Variants in PRKN observed in about 807,000 individuals in gnomAD.
PRKN encodes the protein parkin RBR E3 ubiquitin protein ligase.
PRKN carries 56 observed loss-of-function variants against 59.5 expected under a neutral mutation model. The ratio of observed to expected loss-of-function variants is 0.94; its 90% CI spans 0.76 to 1.18. The LOEUF is 1.18. Among genes scored for constraint, PRKN ranks in the 50% most tolerant of loss-of-function variants. The pLI, the probability that PRKN is intolerant of heterozygous loss-of-function variation, is 0.00. For synonymous variants in PRKN, 250 were observed against 222.1 expected (o/e 1.13, Z -1.12); for missense variants, 657 against 596.4 (o/e 1.10, Z -1.06).
At chr6:162,007,608 G>T (rs892701357) in intron 5 of PRKN, among the ~76,000 whole-genome samples, 2 of 152,078 alleles carry the variant, frequency 1.3e-5, no homozygotes, top group Non-Finnish European at 2.9e-5. Flanking sequence ...TTATAGCAGA[G>T]CTGAGTAAGA....
chr6:162,034,003 A>T (rs1469514151), intron 5 of PRKN, among the ~76,000 whole-genome samples: 6 of 152,134 alleles, frequency 3.9e-5, no homozygotes, highest in Non-Finnish European at 8.8e-5. Context: ...AATTAAATCA[A>T]TTCAGATAAT....
At chr6:161,748,208 T>C (rs1230308785) in intron 7 of PRKN, among the ~76,000 whole-genome samples, 1 of 152,172 alleles carries the variant, frequency 6.6e-6, no homozygotes, top group Admixed American at 6.5e-5. Flanking sequence ...GCATGCACAA[T>C]GAAAGAAATA....
At chr6:161,821,272 A>G (rs75340237) in intron 6 of PRKN, among the ~76,000 whole-genome samples, 3,401 of 152,284 alleles carry the variant, frequency 0.022, 121 homozygotes, top group South Asian at 0.07. Context: ...AAATCTTTTA[A>G]AAATATAGGC....
intron 7 of PRKN, among the ~76,000 whole-genome samples, chr6:161,632,494 G>GA (rs945933122): frequency 8.4e-4 from 128 of 152,120 alleles, no homozygotes; most frequent in African/African-American, 2.9e-3. Flanking sequence ...TATGAAATTA[G>GA]AAAAAAGTAG....
chr6:162,658,189 T>A (rs1431085706), intron 1 of PRKN, among the ~76,000 whole-genome samples: 1 of 152,202 alleles, frequency 6.6e-6, no homozygotes, highest in African/African-American at 2.4e-5. Context: ...CAATATATTC[T>A]ACTGGTCTTA....
At chr6:161,609,854 A>T (rs573256898) in intron 7 of PRKN, among the ~76,000 whole-genome samples, 2 of 152,304 alleles carry the variant, frequency 1.3e-5, no homozygotes, top group Admixed American at 1.3e-4. Context: ...CTGCTGTTTC[A>T]CTGAGGACCA....
intron 5 of PRKN, among the ~76,000 whole-genome samples, chr6:162,050,112 A>C (rs1777571821): frequency 6.6e-6 from 1 of 152,148 alleles, no homozygotes; most frequent in South Asian, 2.1e-4. Context: ...GGGATGCTGA[A>C]CATATTTTTC....
chr6:161,507,001 C>T (rs910450305), intron 9 of PRKN, among the ~76,000 whole-genome samples: 21 of 152,124 alleles, frequency 1.4e-4, no homozygotes, highest in Admixed American at 8.5e-4. Context: ...TGTCACAGGC[C>T]GCCTGTTCAG....
At chr6:161,436,454 C>A (rs887722279) in intron 9 of PRKN, among the ~76,000 whole-genome samples, 17 of 71,354 alleles carry the variant, frequency 2.4e-4, no homozygotes, top group Non-Finnish European at 3.8e-4. Context: ...AAACTCAAGA[C>A]TTTTTTGGGG....
chr6:161,506,446 T>C (rs1336012829), intron 9 of PRKN, among the ~76,000 whole-genome samples: 3 of 152,250 alleles, frequency 2.0e-5, no homozygotes, highest in Non-Finnish European at 2.9e-5. Flanking sequence ...TGGGGTTTTC[T>C]AGATATACAA....
intron 1 of PRKN, among the ~76,000 whole-genome samples, chr6:162,635,793 T>C (rs1477292898): frequency 6.6e-6 from 1 of 152,154 alleles, no homozygotes; most frequent in Non-Finnish European, 1.5e-5. Flanking sequence ...CACAGGCAGA[T>C]CTGTCACTTG....
intron 6 of PRKN, among the ~76,000 whole-genome samples, chr6:161,853,710 A>T (rs1416640811): frequency 2.0e-5 from 3 of 152,326 alleles, no homozygotes; most frequent in East Asian, 3.9e-4. Flanking sequence ...TCATTTCATT[A>T]TGCAGGAGAT....
At chr6:162,113,854 C>T (rs925311125) in intron 4 of PRKN, among the ~76,000 whole-genome samples, 1 of 152,016 alleles carries the variant, frequency 6.6e-6, no homozygotes, top group Non-Finnish European at 1.5e-5. Context: ...TTAGGTCTAA[C>T]GTTTAAGTCT....
chr6:162,016,435 T>G (rs1432031088), intron 5 of PRKN, among the ~76,000 whole-genome samples: 1 of 152,142 alleles, frequency 6.6e-6, no homozygotes. Context: ...TCTTTCTTCT[T>G]GTCTTGATAG....
chr6:161,449,458 A>C (rs554721918), intron 9 of PRKN, among the ~76,000 whole-genome samples: 13 of 152,332 alleles, frequency 8.5e-5, no homozygotes, highest in African/African-American at 3.1e-4. Flanking sequence ...TTTTATTCAA[A>C]GAAGGTAACT....
intron 7 of PRKN, among the ~76,000 whole-genome samples, chr6:161,630,736 G>A (rs887739521): frequency 6.6e-6 from 1 of 151,988 alleles, no homozygotes; most frequent in Non-Finnish European, 1.5e-5. Context: ...CCCCCACCAT[G>A]TCTAGGGCCC....
intron 7 of PRKN, among the ~76,000 whole-genome samples, chr6:161,609,748 A>G (rs574146523): frequency 6.6e-6 from 1 of 152,320 alleles, no homozygotes; most frequent in African/African-American, 2.4e-5. Flanking sequence ...GGTTTTGGGC[A>G]TGGAGATTCA....
intron 1 of PRKN, among the ~76,000 whole-genome samples, chr6:162,525,938 C>T (rs2846480): frequency 0.79 from 120,392 of 152,028 alleles, 49,048 homozygotes; most frequent in South Asian, 0.93. Context: ...ACTGCAGCCC[C>T]GACCTCCCAG....
At chr6:162,439,701 C>T (rs994063204) in intron 2 of PRKN, among the ~76,000 whole-genome samples, 1 of 151,946 alleles carries the variant, frequency 6.6e-6, no homozygotes, top group Admixed American at 6.6e-5. Context: ...TCCTCTTTAG[C>T]CTACTCAACA....
Sources: allele counts gnomAD v4.1 joint callset (sites outside exome capture counted in the v4.1 genomes callset), GRCh38; gene constraint gnomAD v4.1.1; transcripts MANE v1.5; gene names NCBI Gene and HGNC (gene_info 2026-07-23, HGNC 2026-07-21).